The following RGS6 variants were observed in gnomAD, a reference collection of about 807,000 sequenced individuals.
RGS6 encodes the protein regulator of G protein signaling 6, also known as regulator of G-protein signaling 6.
Under a neutral mutation model 78.5 loss-of-function variants are expected in RGS6, and 30 were observed. The observed-to-expected ratio is 0.38, with a 90% CI of 0.29 to 0.52. The LOEUF (loss-of-function observed/expected upper bound fraction) is 0.52, where lower values mean the gene tolerates loss of function less well. Among genes scored for constraint, RGS6 ranks in the 20% least tolerant of loss-of-function variants. The pLI is 0.85. For synonymous variants in RGS6, 206 were observed against 206.0 expected (o/e 1.00, Z 0.00); for missense variants, 495 against 609.7 (o/e 0.81, Z 1.98).
At chr14:72,188,906 ATCT>A (rs993567792) in intron 2 of RGS6, among the ~76,000 whole-genome samples, 39 of 152,174 alleles carry the variant, frequency 2.6e-4, no homozygotes, top group African/African-American at 8.2e-4. Flanking sequence ...TTATTATGTG[ATCT>A]TCTTCTCTCC....
chr14:72,531,284 T>A (rs1231003785), intron 15 of RGS6, among the ~76,000 whole-genome samples: 1 of 151,946 alleles, frequency 6.6e-6, no homozygotes, highest in Admixed American at 6.6e-5. Context: ...AATAAAAAAA[T>A]CAGCTGGGTG....
chr14:71,982,365 A>G (rs1032661797), intron 2 of RGS6, among the ~76,000 whole-genome samples: 3 of 152,220 alleles, frequency 2.0e-5, no homozygotes, highest in Admixed American at 1.3e-4. Context: ...AATATAGAAG[A>G]CATCATTTAC....
At chr14:72,210,884 A>G (rs2043961657) in intron 2 of RGS6, among the ~76,000 whole-genome samples, 2 of 152,048 alleles carry the variant, frequency 1.3e-5, no homozygotes, top group African/African-American at 4.8e-5. Flanking sequence ...TCTGTAATTG[A>G]GCAATAAACA....
intron 2 of RGS6, among the ~76,000 whole-genome samples, chr14:72,136,050 TATC>T (rs2096434120): frequency 6.6e-6 from 1 of 152,202 alleles, no homozygotes; most frequent in South Asian, 2.1e-4. Flanking sequence ...GCCTGACAGT[TATC>T]ATTTTCCTTG....
At position 72,177,263 on chromosome 14, in the gene RGS6, A is replaced by G. The variant is rs562778765; in HGVS notation, c.85-174832A>G. Among the ~76,000 whole-genome samples the G allele has an allele frequency of 2.0e-4, 31 of 152,340 alleles. No homozygotes were observed. The South Asian group carries it at 6.4e-3, about 32-fold the overall frequency. On this transcript the variant is annotated intron_variant, in intron 2 of 17. Transcript: ENST00000553525. Reference sequence around the variant, plus strand: ...GGATAAGATTCGAATTATAGGTTCCATAGGCCACATATAGGTAGGCCTATT... The same window carrying G: ...GGATAAGATTCGAATTATAGGTTCCGTAGGCCACATATAGGTAGGCCTATT...
chr14:71,905,340 A>C, the RGS6 span, among the ~76,000 whole-genome samples: 3 of 152,330 alleles, frequency 2.0e-5, no homozygotes, highest in South Asian at 6.2e-4. Flanking sequence ...AAATTTTCCA[A>C]GTAAGTGCAT....
At chr14:72,086,313 C>T (rs1318756970) in intron 2 of RGS6, among the ~76,000 whole-genome samples, 2 of 152,142 alleles carry the variant, frequency 1.3e-5, no homozygotes, top group Non-Finnish European at 2.9e-5. Context: ...AGTTTTTCTC[C>T]CACAATATTT....
At chr14:72,311,228 A>G (rs560957546) in intron 2 of RGS6, among the ~76,000 whole-genome samples, 1 of 152,234 alleles carries the variant, frequency 6.6e-6, no homozygotes, top group Non-Finnish European at 1.5e-5. Flanking sequence ...AACAGTGACT[A>G]AGAGCCTCAT....
chr14:72,534,545 C>G (rs909010602), intron 15 of RGS6, among the ~76,000 whole-genome samples: 9 of 152,162 alleles, frequency 5.9e-5, no homozygotes, highest in African/African-American at 2.2e-4. Flanking sequence ...TTGTTAAGAC[C>G]AAATAGTATT....
intron 10 of RGS6, 65 bp from the exon 11 acceptor site, chr14:72,476,677 C>A: frequency 2.3e-6 from 3 of 1,329,606 alleles, no homozygotes; most frequent in Non-Finnish European, 2.1e-6. Context: ...ATTGGACTAG[C>A]TGACCCCTAA....
At chr14:72,270,043 A>G (rs753221497) in intron 2 of RGS6, among the ~76,000 whole-genome samples, 15 of 152,234 alleles carry the variant, frequency 9.9e-5, no homozygotes, top group Non-Finnish European at 2.1e-4. Flanking sequence ...ACACATGCCA[A>G]TAAAACTTGC....
intron 3 of RGS6, among the ~76,000 whole-genome samples, chr14:72,418,798 A>C (rs904370106): frequency 1.3e-5 from 2 of 152,224 alleles, no homozygotes; most frequent in Admixed American, 1.3e-4. Context: ...GATGCATGTC[A>C]CAAGTGGTCA....
intron 2 of RGS6, among the ~76,000 whole-genome samples, chr14:72,310,484 T>C (rs1308305236): frequency 6.6e-6 from 1 of 152,210 alleles, no homozygotes; most frequent in East Asian, 1.9e-4. Context: ...TTCTATTTAG[T>C]CAGAAGGAAT....
intron 2 of RGS6, among the ~76,000 whole-genome samples, chr14:72,021,821 C>T (rs1197947582): frequency 6.6e-6 from 1 of 151,522 alleles, no homozygotes; most frequent in Non-Finnish European, 1.5e-5. Flanking sequence ...TGAAGGTTTG[C>T]TATGTAGGTA....
intron 15 of RGS6, among the ~76,000 whole-genome samples, chr14:72,526,402 G>A (rs1567054357): frequency 6.6e-6 from 1 of 152,214 alleles, no homozygotes; most frequent in Non-Finnish European, 1.5e-5. Flanking sequence ...ACTGCGCCTG[G>A]CCAGGAAAAC....
chr14:72,204,560 A>G (rs1452702563), intron 2 of RGS6, among the ~76,000 whole-genome samples: 2 of 152,180 alleles, frequency 1.3e-5, no homozygotes, highest in African/African-American at 4.8e-5. Context: ...TATGTCTCAC[A>G]GTTCTAGAGG....
intron 2 of RGS6, among the ~76,000 whole-genome samples, chr14:72,037,501 C>T (rs898385356): frequency 1.1e-4 from 17 of 152,288 alleles, no homozygotes; most frequent in East Asian, 5.8e-4. Context: ...ACACTCACCA[C>T]GAAGGTCCCA....
At chr14:72,142,322 AAAG>A (rs1284495685) in intron 2 of RGS6, among the ~76,000 whole-genome samples, 1 of 152,110 alleles carries the variant, frequency 6.6e-6, no homozygotes. Flanking sequence ...TAAAAAAAAA[AAAG>A]AGAGGAGAGA....
intron 8 of RGS6, among the ~76,000 whole-genome samples, chr14:72,471,490 G>A (rs1438640457): frequency 3.3e-5 from 5 of 152,210 alleles, no homozygotes; most frequent in African/African-American, 1.2e-4. Flanking sequence ...GGTACCACCT[G>A]CATGTGAGCA....
Sources: allele counts gnomAD v4.1 joint callset (sites outside exome capture counted in the v4.1 genomes callset), GRCh38; gene constraint gnomAD v4.1.1; transcripts MANE v1.5; gene names NCBI Gene and HGNC (gene_info 2026-07-23, HGNC 2026-07-21).